MGMT: variants seen among roughly 807,000 people sequenced by gnomAD.
MGMT encodes the protein methylated-DNA--protein-cysteine methyltransferase.
MGMT carries 14 observed loss-of-function variants against 15.9 expected under a neutral mutation model. The observed-to-expected ratio is 0.88, with a 90% CI of 0.58 to 1.37. The LOEUF (loss-of-function observed/expected upper bound fraction) is 1.37. MGMT is among the 40% of genes most tolerant of loss of function. MGMT has a pLI of 0.00. For synonymous variants in MGMT, 130 were observed against 118.2 expected (o/e 1.10, Z -0.65); for missense variants, 282 against 268.1 (o/e 1.05, Z -0.36).
chr10:129,670,626 GA>G (rs1339391471), intron 2 of MGMT, among the ~76,000 whole-genome samples: 1 of 152,134 alleles, frequency 6.6e-6, no homozygotes, highest in East Asian at 1.9e-4. Context: ...CTCAAACTGA[GA>G]AAGAGATTAC....
chr10:129,482,784 A>G (rs1461903382), intron 1 of MGMT, among the ~76,000 whole-genome samples: 2 of 152,158 alleles, frequency 1.3e-5, no homozygotes, highest in South Asian at 2.1e-4. Context: ...TCTTGTCATT[A>G]CATTTAATGT....
chr10:129,697,045 A>G (rs1848040789), intron 2 of MGMT, among the ~76,000 whole-genome samples: 1 of 152,182 alleles, frequency 6.6e-6, no homozygotes, highest in African/African-American at 2.4e-5. Context: ...CCTTCCTTTA[A>G]GAGCAATTGG....
chr10:129,727,699 G>C (rs1413622940), intron 3 of MGMT, among the ~76,000 whole-genome samples: 1 of 152,142 alleles, frequency 6.6e-6, no homozygotes, highest in Non-Finnish European at 1.5e-5. Context: ...GTGTACAAAT[G>C]CTGTAGGAGA....
chr10:129,621,751 A>G (rs538879), intron 2 of MGMT, among the ~76,000 whole-genome samples: 152,007 of 152,360 alleles, frequency 1, 75,828 homozygotes, highest in Middle Eastern at 1. Context: ...CATCCTTGCC[A>G]CCTTTCCTAT....
intron 2 of MGMT, among the ~76,000 whole-genome samples, chr10:129,591,553 C>G (rs1227307733): frequency 6.6e-6 from 1 of 152,214 alleles, no homozygotes; most frequent in African/African-American, 2.4e-5. Flanking sequence ...GGACCTAGAT[C>G]CAGGCCAGGC....
At chr10:129,593,084 C>T (rs1846708131) in intron 2 of MGMT, among the ~76,000 whole-genome samples, 1 of 152,160 alleles carries the variant, frequency 6.6e-6, no homozygotes, top group South Asian at 2.1e-4. Context: ...CTGCTTCCTT[C>T]TTGTGTAGGG....
In MGMT at chr10:129,768,858, A is replaced by C. The variant is rs1247653859; in HGVS notation, c.*1861A>C. The stretch of plus-strand genomic sequence containing the variant: ...ACCCTACAGGCCGCCCTCTGCAGCC[A>C]CACCTGGACCGGCAGGCATGCACGC... On this transcript the variant is annotated 3_prime_UTR_variant, in exon 5 of 5. Transcript: ENST00000651593. The C allele has an allele frequency of 6.6e-6, 1 of 152,236 alleles. No homozygotes were observed. Among genetic ancestry groups the C allele is most frequent in the Non-Finnish European group, 1.5e-5 (1 of 68,072 alleles). The allele number at this position is 152,236 out of a possible 1,614,324, so 9.4% of individuals were successfully genotyped here.
chr10:129,491,249 T>A (rs1845466466), intron 1 of MGMT, among the ~76,000 whole-genome samples: 1 of 152,182 alleles, frequency 6.6e-6, no homozygotes, highest in African/African-American at 2.4e-5. Flanking sequence ...AGTTAGCAAT[T>A]CTTTACCTTA....
At chr10:129,690,584 A>T (rs1052560079) in intron 2 of MGMT, among the ~76,000 whole-genome samples, 7 of 152,210 alleles carry the variant, frequency 4.6e-5, no homozygotes, top group African/African-American at 7.2e-5. Context: ...GCTGGGCTGC[A>T]CGCATGCTGG....
At chr10:129,626,859 A>G (rs1847155599) in intron 2 of MGMT, among the ~76,000 whole-genome samples, 1 of 152,220 alleles carries the variant, frequency 6.6e-6, no homozygotes, top group Admixed American at 6.5e-5. Flanking sequence ...TTATAAACTG[A>G]CTATGGAGCT....
rs564634123 is a variant in MGMT at position 129,703,671 on chromosome 10, C to T, written c.126-4224C>T. ...CAGCCCCTGTGCTCCACTCCATCCTCGCCGGGGGGGCACCTTTGCTTCGGA... is the reference window on the plus strand; with the variant it reads ...CAGCCCCTGTGCTCCACTCCATCCTTGCCGGGGGGGCACCTTTGCTTCGGA... On this transcript the variant is annotated intron_variant, in intron 2 of 4. Transcript: ENST00000651593. Among the ~76,000 whole-genome samples, 81 of 150,232 alleles carry T rather than the reference C, an allele frequency of 5.4e-4. 1 individual carries two copies. The highest frequency in any genetic ancestry group is 2.0e-3 in the African/African-American group (79 of 39,652).
chr10:129,618,769 T>TATA (rs751344882), intron 2 of MGMT, among the ~76,000 whole-genome samples: 4 of 150,300 alleles, frequency 2.7e-5, no homozygotes, highest in Non-Finnish European at 5.9e-5. Flanking sequence ...ATGCTATATT[T>TATA]TTAGTTTCAA....
At position 129,668,367 on chromosome 10, in the gene MGMT, T is replaced by C. The variant is rs140443100; in HGVS notation, c.126-39528T>C. On this transcript the variant is annotated intron_variant, in intron 2 of 4. Transcript: ENST00000651593. ...AGAGTGGGCCAGGCTGTACTTTGCC[T>C]GTTCCTGTTCTAGAAGTCACAGTTA... Among the ~76,000 whole-genome samples, 978 of 152,356 alleles carry C rather than the reference T, an allele frequency of 6.4e-3. 34 individuals carry two copies. The highest frequency in any genetic ancestry group is 0.058 in the Admixed American group (881 of 15,296).
chr10:129,657,867 C>T (rs919686376), intron 2 of MGMT, among the ~76,000 whole-genome samples: 3 of 152,150 alleles, frequency 2.0e-5, no homozygotes, highest in African/African-American at 7.2e-5. Context: ...ATTTGCCACC[C>T]TCCAGTGAGG....
At position 129,566,343 on chromosome 10, in the gene MGMT, G is replaced by T. The variant is rs1846354313; in HGVS notation, c.125+29966G>T. On this transcript the variant is annotated intron_variant, in intron 2 of 4. Coordinates refer to ENST00000651593, the MANE Select transcript of MGMT (RefSeq NM_002412.5). This position sits in a 1 kb window ranked among gnomAD's most constrained non-coding sequence, Gnocchi z 4.1. ...CGACTACGTTGCCAAGGAGATGCTC[G>T]CTCGGAGTGGTTGCTCTGGCTCTGG... Among the ~76,000 whole-genome samples the T allele has an allele frequency of 1.3e-5, 2 of 152,168 alleles. No homozygotes were observed. Among genetic ancestry groups the T allele is most frequent in the South Asian group, 4.1e-4 (2 of 4,832 alleles).
chr10:129,650,867 TCTCAGGAG>T (rs1847449437), intron 2 of MGMT, among the ~76,000 whole-genome samples: 1 of 152,156 alleles, frequency 6.6e-6, no homozygotes, highest in Non-Finnish European at 1.5e-5. Flanking sequence ...AGACGGTTAG[TCTCAGGAG>T]AGCCAGGTGT....
At chr10:129,578,488 A>G (rs1157725265) in intron 2 of MGMT, among the ~76,000 whole-genome samples, 1 of 151,500 alleles carries the variant, frequency 6.6e-6, no homozygotes, top group Admixed American at 6.6e-5. Context: ...AACAATGAGA[A>G]CACATGGACA....
intron 1 of MGMT, among the ~76,000 whole-genome samples, chr10:129,478,987 A>G (rs924240464): frequency 1.3e-5 from 2 of 152,208 alleles, no homozygotes; most frequent in African/African-American, 4.8e-5. Context: ...GATTCTGTTT[A>G]TCCTTGAAAT....
intron 3 of MGMT, among the ~76,000 whole-genome samples, chr10:129,727,366 C>T (rs569430169): frequency 2.0e-5 from 3 of 152,276 alleles, no homozygotes; most frequent in African/African-American, 7.2e-5. Context: ...GGAAGTCAGC[C>T]CTGTTGGAAA....
Sources: gnomAD v4.1 joint callset for allele counts (sites outside exome capture counted in the v4.1 genomes callset) on GRCh38, gnomAD v4.1.1 for gene constraint, Gnocchi (gnomAD v3.1) non-coding constraint, MANE v1.5 for transcripts, NCBI Gene and HGNC (gene_info 2026-07-23, HGNC 2026-07-21) for gene names.